LAMA2: variants seen among roughly 807,000 people sequenced by gnomAD.
LAMA2 encodes the protein laminin subunit alpha-2.
In LAMA2, 269 loss-of-function variants were observed where a neutral mutation model predicts 364.8. That is an observed-to-expected ratio of 0.74 (90% CI 0.67 to 0.82). The LOEUF is 0.82. LAMA2 is among the 40% of genes least tolerant of loss of function. The pLI, the probability that LAMA2 is intolerant of heterozygous loss-of-function variation, is 0.00. For synonymous variants in LAMA2, 1,379 were observed against 1,370.6 expected (o/e 1.01, Z -0.14); for missense variants, 3,807 against 3,873.2 (o/e 0.98, Z 0.45).
intron 1 of LAMA2, among the ~76,000 whole-genome samples, chr6:128,961,348 T>TA: frequency 1.2e-5 from 1 of 82,380 alleles, no homozygotes; most frequent in African/African-American, 4.9e-5. Context: ...TATATATATA[T>TA]ATATATATAT....
chr6:129,496,496 G>A (rs566889666), intron 58 of LAMA2, among the ~76,000 whole-genome samples: 6 of 152,150 alleles, frequency 3.9e-5, no homozygotes, highest in Middle Eastern at 3.4e-3. Context: ...ATTATAATTA[G>A]TTATGACTGT....
Position 129,379,338 on chromosome 6 carries a change from C to T in LAMA2, c.4960-3784C>T, listed in dbSNP as rs146391424. Among the ~76,000 whole-genome samples the T allele has an allele frequency of 1.7e-3, 254 of 150,906 alleles. 4 individuals are homozygous for T. Among genetic ancestry groups the T allele is most frequent in the Non-Finnish European group, 2.5e-4 (17 of 67,676 alleles). ...TTATGCATGGGTTTTTTTTTTTTAA[C>T]CTGTGTAACAAATCTGCACATCCTG... On this transcript the variant is annotated intron_variant, in intron 34 of 64. Coordinates refer to ENST00000421865, the MANE Select transcript of LAMA2 (RefSeq NM_000426.4).
At position 129,438,755 on chromosome 6, in the gene LAMA2, T is replaced by G; in HGVS notation, c.6078T>G (p.Ile2026Met). 1 of 1,520,980 alleles carries G rather than the reference T, an allele frequency of 6.6e-7. No individual in the cohort carries two copies. The highest frequency in any genetic ancestry group is 9.1e-7 in the Non-Finnish European group (1 of 1,095,350). The allele number at this position is 1,520,980 out of a possible 1,614,324, so 94.2% of individuals were successfully genotyped here. A position where few individuals can be genotyped will look rare whatever the true frequency, so the allele number is the denominator to read the frequency against. ...LNDTLGKLSA[I>M]PNDTAAKLQA... is the part of the protein sequence containing the mutation. ...ACACTTTGGGAAAGTTATCAGCTAT[T>G]CCAAATGGTAAGCATTCAGGACACT... Residue 2026 changes from isoleucine (I) to methionine (M), a missense_variant, in exon 42 of 65, where the codon ATT (isoleucine) becomes ATG (methionine). Physicochemically the swap from Ile to Met is conservative, Grantham distance 10. This residue lies in a region of LAMA2 where 3,333 missense variants were observed against 3,345.7 expected (regional missense o/e 1.00). Coordinates refer to ENST00000421865, the MANE Select transcript of LAMA2 (RefSeq NM_000426.4).
chr6:129,430,423 G>A (rs1042939644), intron 41 of LAMA2, among the ~76,000 whole-genome samples: 1 of 152,160 alleles, frequency 6.6e-6, no homozygotes, highest in African/African-American at 2.4e-5. Flanking sequence ...CTTGCCTTGA[G>A]GGAATCTGAA....
At chr6:129,495,230 C>G (rs1785100186) in intron 58 of LAMA2, among the ~76,000 whole-genome samples, 1 of 152,174 alleles carries the variant, frequency 6.6e-6, no homozygotes, top group Admixed American at 6.5e-5. Context: ...TATAGGCAAA[C>G]ACATTACATT....
At chr6:129,169,892 A>G (rs1400381523) in intron 9 of LAMA2, among the ~76,000 whole-genome samples, 4 of 144,342 alleles carry the variant, frequency 2.8e-5, no homozygotes, top group African/African-American at 5.4e-5. Flanking sequence ...TAGTCTTGGG[A>G]GAGTGTATGT....
chr6:129,251,076 C>CTATA lies in LAMA2; in HGVS notation c.1884+889_1884+892dup, dbSNP rs71714357. On this transcript the variant is annotated intron_variant, in intron 13 of 64. Coordinates refer to ENST00000421865, the MANE Select transcript of LAMA2 (RefSeq NM_000426.4). ...TCTCTCTCTCTCTCTCTCTCTCTCT[C>CTATA]TATATATATATATATATATATATAT... Among the ~76,000 whole-genome samples, 217 of 49,794 alleles carry CTATA rather than the reference C, an allele frequency of 4.4e-3. 3 individuals are homozygous for CTATA. The highest frequency in any genetic ancestry group is 5.7e-3 in the Non-Finnish European group (156 of 27,204). 32.7% of individuals were successfully genotyped at this position (49,794 alleles called of 152,430 possible).
chr6:129,163,265 G>A (rs1779549975), intron 8 of LAMA2, among the ~76,000 whole-genome samples: 1 of 151,882 alleles, frequency 6.6e-6, no homozygotes, highest in African/African-American at 2.4e-5. Flanking sequence ...TCTTTAGATT[G>A]GATCATTTCC....
intron 12 of LAMA2, among the ~76,000 whole-genome samples, chr6:129,234,718 G>A (rs1784873138): frequency 6.6e-6 from 1 of 152,100 alleles, no homozygotes; most frequent in African/African-American, 2.4e-5. Flanking sequence ...ATTATCAATT[G>A]TGTATGTACT....
chr6:129,258,823 G>A (rs1786898165), intron 14 of LAMA2, among the ~76,000 whole-genome samples: 1 of 151,882 alleles, frequency 6.6e-6, no homozygotes, highest in Non-Finnish European at 1.5e-5. Flanking sequence ...AGTGAGGGGG[G>A]AAAAAAGCAT....
rs147000649 is a variant in LAMA2, at chr6:129,251,174, G to A, written c.1885-910G>A. On this transcript the variant is annotated intron_variant, in intron 13 of 64. Coordinates refer to ENST00000421865, the MANE Select transcript of LAMA2 (RefSeq NM_000426.4). ...GTTCTCTAAATGTAAAGTGTTGAGT[G>A]AAATTATTTAGCATTCATGTGAATG... Among the ~76,000 whole-genome samples the A allele has an allele frequency of 2.8e-3, 419 of 149,844 alleles. 3 individuals carry two copies. Among genetic ancestry groups the A allele is most frequent in the African/African-American group, 9.9e-3 (405 of 40,808 alleles).
At chr6:129,088,357 A>G (rs905967394) in intron 3 of LAMA2, among the ~76,000 whole-genome samples, 10 of 150,306 alleles carry the variant, frequency 6.7e-5, no homozygotes, top group Non-Finnish European at 1.3e-4. Flanking sequence ...CCCCTTTTCT[A>G]TTCCACAAAA....
Position 129,349,306 on chromosome 6 carries a change from C to A in LAMA2, c.4445C>A (p.Pro1482His). 6.2e-7 allele frequency: 1 copy of A among 1,612,950 alleles called. No individual in the cohort carries two copies. The highest frequency in any genetic ancestry group is 2.2e-5 in the East Asian group (1 of 44,828). Residue 1482 changes from proline (P) to histidine (H), a missense_variant, in exon 31 of 65, where the codon CCC (proline) becomes CAC (histidine). Pro to His is a moderately conservative substitution (Grantham distance 77, BLOSUM62 -2). Transcript: ENST00000421865. ...PLISSSNNFS[P>H]SCVAEGLDDY... ...TTTTCTTTCTGATTCAGTTTCAGCC[C>A]CTCTTGTGTCGCAGAAGGACTTGAC...
rs116864218 is a variant in LAMA2, at chr6:128,983,772, A to G, written c.113-66146A>G. Among the ~76,000 whole-genome samples, 216 of 152,318 alleles carry G rather than the reference A, an allele frequency of 1.4e-3. 2 individuals are homozygous for G. The highest frequency in any genetic ancestry group is 2.4e-3 in the Non-Finnish European group (166 of 68,016). On this transcript the variant is annotated intron_variant, in intron 1 of 64. Coordinates refer to ENST00000421865, the MANE Select transcript of LAMA2 (RefSeq NM_000426.4). ...AGACAGTAGGAAGGAGAAGATTTGA[A>G]GCAGTAAAGTGATTTAGAAAACTAT...
chr6:128,986,322 G>C (rs1783233708), intron 1 of LAMA2, among the ~76,000 whole-genome samples: 1 of 152,054 alleles, frequency 6.6e-6, no homozygotes, highest in South Asian at 2.1e-4. Context: ...TCTTGGAGGA[G>C]CCCTGGTTCC....
intron 58 of LAMA2, among the ~76,000 whole-genome samples, chr6:129,495,139 C>T (rs577487221): frequency 1.3e-5 from 2 of 152,294 alleles, no homozygotes; most frequent in Admixed American, 1.3e-4. Context: ...TATGACAAGG[C>T]AGGCTCGAGT....
At chr6:129,076,887 T>A (rs1475176318) in intron 3 of LAMA2, among the ~76,000 whole-genome samples, 1 of 151,944 alleles carries the variant, frequency 6.6e-6, no homozygotes, top group East Asian at 1.9e-4. Context: ...ATAAACACAA[T>A]GAAAAGAAAA....
intron 40 of LAMA2, among the ~76,000 whole-genome samples, chr6:129,417,811 A>G (rs1780877209): frequency 6.6e-6 from 1 of 152,132 alleles, no homozygotes; most frequent in South Asian, 2.1e-4. Context: ...TGCCCCGAGC[A>G]TATGCACACC....
intron 9 of LAMA2, among the ~76,000 whole-genome samples, chr6:129,175,205 A>G (rs1156643162): frequency 6.6e-6 from 1 of 152,136 alleles, no homozygotes; most frequent in Non-Finnish European, 1.5e-5. Flanking sequence ...TTTAGGATTC[A>G]GTTTGGTGTT....
Sources: allele counts gnomAD v4.1 joint callset (sites outside exome capture counted in the v4.1 genomes callset), GRCh38; gene constraint gnomAD v4.1.1; regional missense constraint gnomAD v4.1.1; transcripts MANE v1.5; gene names NCBI Gene and HGNC (gene_info 2026-07-23, HGNC 2026-07-21).